The following FAM81B variants were observed in gnomAD, a reference collection of about 807,000 sequenced individuals.
FAM81B encodes the protein family with sequence similarity 81 member B, also known as protein FAM81B.
Under a neutral mutation model 58.7 loss-of-function variants are expected in FAM81B, and 60 were observed. That is an observed-to-expected ratio of 1.02 (90% CI 0.83 to 1.27). FAM81B has a LOEUF of 1.27. Among genes scored for constraint, FAM81B ranks in the 50% most tolerant of loss-of-function variants. The pLI is 0.00. For missense variants in FAM81B, 491 were observed against 522.0 expected (o/e 0.94, Z 0.58); for synonymous variants, 189 against 179.6 (o/e 1.05, Z -0.42).
intron 5 of FAM81B, among the ~76,000 whole-genome samples, chr5:95,427,686 AAC>A (rs1248797349): frequency 2.0e-5 from 3 of 152,236 alleles, no homozygotes; most frequent in South Asian, 2.1e-4. Flanking sequence ...TGACAGTCAA[AAC>A]AGTTATTTTA....
At chr5:95,416,996 A>T (rs1333955973) in intron 4 of FAM81B, among the ~76,000 whole-genome samples, 1 of 152,162 alleles carries the variant, frequency 6.6e-6, no homozygotes, top group African/African-American at 2.4e-5. Flanking sequence ...GTGAGCCATG[A>T]TCATGCCACT....
chr5:95,392,975 T>G (rs756036816), intron 2 of FAM81B, 78 bp downstream of exon 2: 2 of 1,269,578 alleles, frequency 1.6e-6, no homozygotes, highest in East Asian at 5.5e-5. Flanking sequence ...CTTAGAGAGT[T>G]TAAGAAGTTC....
intron 4 of FAM81B, among the ~76,000 whole-genome samples, chr5:95,419,884 T>C (rs1762631888): frequency 6.6e-6 from 1 of 152,226 alleles, no homozygotes. Flanking sequence ...AAATACATTT[T>C]TGTGAAAAGC....
At chr5:95,448,730 T>C in intron 9 of FAM81B, 1 of 491,226 alleles carries the variant, frequency 2.0e-6, no homozygotes. Context: ...GATCATGGAA[T>C]TTTTACTAAT....
At chr5:95,422,096 A>G (rs1762701104) in intron 5 of FAM81B, among the ~76,000 whole-genome samples, 1 of 152,062 alleles carries the variant, frequency 6.6e-6, no homozygotes, top group South Asian at 2.1e-4. Context: ...GGGATGCCCA[A>G]GTTTCTGGTT....
At chr5:95,409,875 G>C (rs1187100243) in intron 3 of FAM81B, among the ~76,000 whole-genome samples, 1 of 152,166 alleles carries the variant, frequency 6.6e-6, no homozygotes, top group Non-Finnish European at 1.5e-5. Context: ...AATTCCTTTG[G>C]CAGAGATACT....
chr5:95,432,445 T>C (rs1561309060), intron 6 of FAM81B, among the ~76,000 whole-genome samples: 1 of 152,076 alleles, frequency 6.6e-6, no homozygotes, highest in Non-Finnish European at 1.5e-5. Flanking sequence ...GTTTAAAGAG[T>C]ATTATAAGTA....
rs1210620573 is a variant in FAM81B, at chr5:95,446,667, T to C, written c.999T>C (p.Asn333=). Residue 333 remains asparagine (N), a synonymous_variant, in exon 8 of 10, where the codon AAT becomes AAC. Transcript: ENST00000283357. ...GAAAAGACCACCTGGGCCATATAAA[T>C]GAATGTCTGAAGGTCCTACAGGAGA... ...KYRKDHLGHI[N]ECLKVLQEKL... 2 of 1,611,392 alleles carry C rather than the reference T, an allele frequency of 1.2e-6. No homozygotes were observed. Among genetic ancestry groups the C allele is most frequent in the African/African-American group, 2.7e-5 (2 of 74,682 alleles).
At chr5:95,398,418 C>A (rs1582781356) in intron 3 of FAM81B, among the ~76,000 whole-genome samples, 1 of 142,336 alleles carries the variant, frequency 7.0e-6, no homozygotes, top group African/African-American at 2.6e-5. Flanking sequence ...AACTCAATCT[C>A]TAAATAAATA....
chr5:95,414,856 AT>A (rs1043187063), intron 4 of FAM81B, among the ~76,000 whole-genome samples: 67 of 152,012 alleles, frequency 4.4e-4, no homozygotes, highest in African/African-American at 1.4e-3. Context: ...AGCCTACTTT[AT>A]TTTTTTTGTC....
intron 4 of FAM81B, among the ~76,000 whole-genome samples, chr5:95,416,080 T>C (rs1762531758): frequency 6.6e-6 from 1 of 152,202 alleles, no homozygotes. Flanking sequence ...AAGGACTGGA[T>C]TGAGTTTGTG....
intron 7 of FAM81B, among the ~76,000 whole-genome samples, chr5:95,441,610 A>T (rs1045303687): frequency 3.6e-5 from 5 of 139,928 alleles, no homozygotes; most frequent in African/African-American, 1.0e-4. Flanking sequence ...TCTGCAAATT[A>T]AAAAAAAAAG....
chr5:95,423,535 C>T (rs921827069), intron 5 of FAM81B, among the ~76,000 whole-genome samples: 4 of 131,644 alleles, frequency 3.0e-5, no homozygotes, highest in Non-Finnish European at 4.7e-5. Flanking sequence ...CCAGAACAAA[C>T]CTGCATGTGG....
Position 95,448,290 on chromosome 5 carries a change from G to A in FAM81B, c.1051G>A (p.Glu351Lys), listed in dbSNP as rs765937559. Residue 351 changes from glutamate to lysine, a missense_variant, in exon 9 of 10, where the codon GAA becomes AAA. Glu to Lys is a moderately conservative substitution (Grantham distance 56, BLOSUM62 1). Transcript: ENST00000283357. Reference protein sequence around the residue: ...EKLEKSENKMEEKLLQLSSKV... With the variant: ...EKLEKSENKMKEKLLQLSSKV... Reference sequence around the variant, plus strand: ...ACAGGAAAAGTCTGAAAATAAAATGGAAGAAAAACTGCTGCAGCTTTCAAG... The same window carrying A: ...ACAGGAAAAGTCTGAAAATAAAATGAAAGAAAAACTGCTGCAGCTTTCAAG... 8.1e-6 allele frequency: 13 copies of A among 1,601,606 alleles called. No homozygotes were observed. The African/African-American group carries it at 1.8e-4, about 22-fold the overall frequency.
intron 3 of FAM81B, among the ~76,000 whole-genome samples, chr5:95,401,342 G>T (rs1447624035): frequency 2.6e-5 from 4 of 152,018 alleles, no homozygotes; most frequent in Non-Finnish European, 4.4e-5. Flanking sequence ...CTGTTGGCCT[G>T]GTGTACTTCC....
chr5:95,394,972 T>C (rs931393414), intron 2 of FAM81B, among the ~76,000 whole-genome samples: 3 of 152,198 alleles, frequency 2.0e-5, no homozygotes, highest in East Asian at 3.8e-4. Flanking sequence ...CCCACCATTA[T>C]AGTACACAGT....
At chr5:95,435,982 A>C (rs950611659) in intron 6 of FAM81B, among the ~76,000 whole-genome samples, 1 of 152,012 alleles carries the variant, frequency 6.6e-6, no homozygotes, top group Admixed American at 6.6e-5. Context: ...TTTCATAAGA[A>C]CTCATTTTAT....
intron 6 of FAM81B, among the ~76,000 whole-genome samples, chr5:95,433,199 GT>G (rs1371226062): frequency 6.6e-6 from 1 of 152,088 alleles, no homozygotes; most frequent in Non-Finnish European, 1.5e-5. Flanking sequence ...AAAGAAAGAG[GT>G]TTAATGGACT....
At chr5:95,395,165 C>T (rs1254124222) in intron 2 of FAM81B, among the ~76,000 whole-genome samples, 3 of 152,094 alleles carry the variant, frequency 2.0e-5, no homozygotes, top group East Asian at 1.9e-4. Context: ...TTCGGCTGGG[C>T]GCTGTGGCTC....
Sources: allele counts gnomAD v4.1 joint callset (sites outside exome capture counted in the v4.1 genomes callset), GRCh38; gene constraint gnomAD v4.1.1; transcripts MANE v1.5; gene names NCBI Gene and HGNC (gene_info 2026-07-23, HGNC 2026-07-21).